Variants in PLCB1 observed in about 807,000 individuals in gnomAD.
PLCB1 encodes 1-phosphatidylinositol 4,5-bisphosphate phosphodiesterase beta-1.
A neutral mutation model predicts 161.8 loss-of-function variants in PLCB1; 46 were observed. The observed-to-expected ratio is 0.28, with a 90% confidence interval of 0.22 to 0.36. The LOEUF (loss-of-function observed/expected upper bound fraction) is 0.36, where lower values mean the gene tolerates loss of function less well. Ranked by LOEUF, PLCB1 falls within the 10% of genes least tolerant of loss-of-function variation. PLCB1 has a pLI of 1.00. For synonymous variants in PLCB1, 517 were observed against 503.7 expected, an observed-to-expected ratio of 1.03 and a Z score of -0.35; for missense variants, 1,016 against 1,472.5, an observed-to-expected ratio of 0.69 and a Z score of 5.07.
chr20:8,840,736 T>A (rs998728525), intron 31 of PLCB1, among the ~76,000 whole-genome samples: 2 of 152,180 alleles, frequency 1.3e-5, no homozygotes, highest in Non-Finnish European at 2.9e-5. Context: ...TAAGACCGAA[T>A]CTCATCAAGA....
chr20:8,482,770 A>C (rs2122749496), intron 3 of PLCB1, among the ~76,000 whole-genome samples: 1 of 152,344 alleles, frequency 6.6e-6, no homozygotes, highest in South Asian at 2.1e-4. Context: ...AAGTGGAGTG[A>C]GACTGTGTGT....
At chr20:8,421,477 C>T (rs976596464) in intron 3 of PLCB1, among the ~76,000 whole-genome samples, 3 of 152,082 alleles carry the variant, frequency 2.0e-5, no homozygotes, top group African/African-American at 7.2e-5. Flanking sequence ...GCACCCAAGA[C>T]CATCAGATGG....
intron 3 of PLCB1, among the ~76,000 whole-genome samples, chr20:8,614,470 G>A (rs1019743946): frequency 2.8e-4 from 43 of 151,872 alleles, no homozygotes; most frequent in African/African-American, 8.7e-4. Context: ...GAATACTACA[G>A]AACCAAATTA....
chr20:8,334,542 T>G (rs972344960), intron 2 of PLCB1, among the ~76,000 whole-genome samples: 1 of 152,236 alleles, frequency 6.6e-6, no homozygotes, highest in African/African-American at 2.4e-5. Context: ...AGTGCCATAA[T>G]GTACTGATCC....
At chr20:8,236,982 G>T (rs4292147) in intron 2 of PLCB1, among the ~76,000 whole-genome samples, 2 of 152,140 alleles carry the variant, frequency 1.3e-5, no homozygotes, top group East Asian at 3.9e-4. Flanking sequence ...GTGGTTGACA[G>T]TGGGGAGGTT....
chr20:8,682,725 G>T (rs1409885078), intron 9 of PLCB1, among the ~76,000 whole-genome samples: 1 of 152,170 alleles, frequency 6.6e-6, no homozygotes, highest in African/African-American at 2.4e-5. Context: ...TCATTTTACT[G>T]ATAGGTTTGG....
At chr20:8,161,712 C>T (rs1054535359) in intron 2 of PLCB1, among the ~76,000 whole-genome samples, 5 of 152,012 alleles carry the variant, frequency 3.3e-5, no homozygotes, top group East Asian at 3.9e-4. Flanking sequence ...CCTCAAAGGA[C>T]GCTGCTGCCT....
At chr20:8,362,063 A>AT (rs532438161) in intron 2 of PLCB1, among the ~76,000 whole-genome samples, 119 of 152,178 alleles carry the variant, frequency 7.8e-4, no homozygotes, top group Non-Finnish European at 1.5e-3. Context: ...CATAGTTGTG[A>AT]TTTTTTTTAA....
At chr20:8,470,579 T>C (rs976669223) in intron 3 of PLCB1, among the ~76,000 whole-genome samples, 3 of 152,134 alleles carry the variant, frequency 2.0e-5, no homozygotes, top group Non-Finnish European at 4.4e-5. Context: ...AAGGTCTCAC[T>C]CTTAGTCCAG....
At chr20:8,687,241 A>T (rs1194653183) in intron 10 of PLCB1, among the ~76,000 whole-genome samples, 1 of 152,070 alleles carries the variant, frequency 6.6e-6, no homozygotes, top group East Asian at 1.9e-4. Context: ...CCCAGGCTGG[A>T]CTCAGACTCC....
chr20:8,475,517 C>T (rs532637380), intron 3 of PLCB1, among the ~76,000 whole-genome samples: 12 of 152,334 alleles, frequency 7.9e-5, no homozygotes, highest in African/African-American at 2.9e-4. Flanking sequence ...AACTGAGGCA[C>T]AGAGGAGTTC....
chr20:8,522,481 T>G (rs1042272603), intron 3 of PLCB1, among the ~76,000 whole-genome samples: 3 of 142,570 alleles, frequency 2.1e-5, no homozygotes, highest in Non-Finnish European at 4.7e-5. Flanking sequence ...AAGCCTAGTC[T>G]TCTTCCAGCA....
intron 3 of PLCB1, among the ~76,000 whole-genome samples, chr20:8,564,671 C>T (rs534443460): frequency 7.2e-5 from 11 of 152,092 alleles, no homozygotes; most frequent in African/African-American, 2.4e-4. Flanking sequence ...AAAAAGTGGG[C>T]GATGGATATG....
intron 2 of PLCB1, among the ~76,000 whole-genome samples, chr20:8,257,964 T>G (rs1040131400): frequency 6.6e-6 from 1 of 152,136 alleles, no homozygotes; most frequent in African/African-American, 2.4e-5. Flanking sequence ...TCCATGAGAC[T>G]CGTTTATTTT....
chr20:8,145,902 T>C (rs1022044054), intron 1 of PLCB1, among the ~76,000 whole-genome samples: 1 of 152,216 alleles, frequency 6.6e-6, no homozygotes, highest in Admixed American at 6.5e-5. Context: ...TTTCCATTCT[T>C]AGTCTTTGAA....
In PLCB1 at chr20:8,273,577, A is replaced by G. The variant is rs539282906; in HGVS notation, c.178-97805A>G. Among the ~76,000 whole-genome samples, 239 of 152,306 alleles carry G rather than the reference A, an allele frequency of 1.6e-3. 1 individual carries two copies. Among genetic ancestry groups the G allele is most frequent in the South Asian group, 3.3e-3 (16 of 4,828 alleles). ...CAAAGCATCCAGCCCGAGAAATTTC[A>G]TAAGCAGGAAACCTAACCCCGCTGG... is the stretch of plus-strand genomic sequence containing the variant. On this transcript the variant is annotated intron_variant, in intron 2 of 31. Coordinates refer to ENST00000338037, the MANE Select transcript of PLCB1 (RefSeq NM_015192.4).
intron 2 of PLCB1, among the ~76,000 whole-genome samples, chr20:8,172,743 T>G (rs2123071743): frequency 6.6e-6 from 1 of 152,308 alleles, no homozygotes; most frequent in African/African-American, 2.4e-5. Context: ...TAAGTACAAC[T>G]ATACATCCCA....
chr20:8,383,186 C>A (rs1040562137), intron 3 of PLCB1, among the ~76,000 whole-genome samples: 1 of 152,166 alleles, frequency 6.6e-6, no homozygotes, highest in African/African-American at 2.4e-5. Context: ...CTTTGTAGGT[C>A]TCTAAGAACA....
chr20:8,184,526 T>C (rs1484613416), intron 2 of PLCB1, among the ~76,000 whole-genome samples: 1 of 151,984 alleles, frequency 6.6e-6, no homozygotes, highest in East Asian at 1.9e-4. Context: ...GTTATATTAT[T>C]TTTATATTTT....
Sources: allele counts gnomAD v4.1 joint callset (sites outside exome capture counted in the v4.1 genomes callset), GRCh38; gene constraint gnomAD v4.1.1; transcripts MANE v1.5; gene names NCBI Gene and HGNC (gene_info 2026-07-23, HGNC 2026-07-21).